Variants in SULF2 observed in about 807,000 individuals in gnomAD.
SULF2 encodes extracellular sulfatase Sulf-2.
In SULF2, 52 loss-of-function variants were observed where a neutral mutation model predicts 107.7. The observed-to-expected ratio is 0.48, with a 90% CI of 0.39 to 0.61. The LOEUF is 0.61. SULF2 is among the 20% of genes least tolerant of loss of function. The pLI is 0.00. For missense variants in SULF2, 993 were observed against 1,177.3 expected (o/e 0.84, Z 2.29); for synonymous variants, 460 against 464.3 (o/e 0.99, Z 0.12).
At chr20:47,782,853 A>T (rs935465773) in intron 1 of SULF2, among the ~76,000 whole-genome samples, 6 of 152,190 alleles carry the variant, frequency 3.9e-5, no homozygotes, top group Admixed American at 3.3e-4. Context: ...TGGAAAGTTA[A>T]GGGCCTTTTA....
chr20:47,714,206 A>G (rs1433337710), intron 3 of SULF2, among the ~76,000 whole-genome samples: 1 of 152,130 alleles, frequency 6.6e-6, no homozygotes, highest in Non-Finnish European at 1.5e-5. Context: ...TCTCAATTCC[A>G]GTTGTCCGCG....
At chr20:47,762,051 G>A (rs1413063874) in intron 1 of SULF2, among the ~76,000 whole-genome samples, 2 of 152,154 alleles carry the variant, frequency 1.3e-5, no homozygotes, top group Admixed American at 1.3e-4. Flanking sequence ...CACCATGATT[G>A]TAAGGCCTCC....
At chr20:47,721,607 T>A (rs2089299414) in intron 3 of SULF2, among the ~76,000 whole-genome samples, 1 of 152,194 alleles carries the variant, frequency 6.6e-6, no homozygotes, top group Middle Eastern at 3.2e-3. Flanking sequence ...TGACCTCAAC[T>A]GATCCACCCG....
intron 7 of SULF2, among the ~76,000 whole-genome samples, chr20:47,679,717 C>A (rs375144754): frequency 1.3e-5 from 2 of 152,162 alleles, no homozygotes; most frequent in Non-Finnish European, 2.9e-5. Flanking sequence ...CCTAAGCAGA[C>A]GACCCTGCAG....
chr20:47,733,539 A>C (rs2089662999), intron 3 of SULF2, among the ~76,000 whole-genome samples: 1 of 152,220 alleles, frequency 6.6e-6, no homozygotes, highest in Admixed American at 6.5e-5. Context: ...TTGGAAGGCC[A>C]AGGCAGGTGG....
In SULF2 at chr20:47,708,139, C is replaced by A. The variant is rs547156662; in HGVS notation, c.416-5469G>T. Among the ~76,000 whole-genome samples, 14 of 152,270 alleles carry A rather than the reference C, an allele frequency of 9.2e-5. No individual in the cohort carries two copies. The East Asian group carries it at 2.7e-3, about 29-fold the overall frequency. ...AACAAGACCACCAGGATCCCTTCTG[C>A]CCTCGTGCAGTTGATGTTCTAGTGG... is the stretch of plus-strand genomic sequence containing the variant. On this transcript the variant is annotated intron_variant, in intron 3 of 20. Coordinates refer to ENST00000688720, the MANE Select transcript of SULF2 (RefSeq NM_001387048.1).
intron 3 of SULF2, among the ~76,000 whole-genome samples, chr20:47,703,556 C>G (rs1324692371): frequency 6.6e-6 from 1 of 152,206 alleles, no homozygotes; most frequent in Non-Finnish European, 1.5e-5. Flanking sequence ...CCCTCACACA[C>G]TGAGTGGCTG....
In SULF2 at chr20:47,658,225, G is replaced by T; in HGVS notation, c.*137C>A. 1 of 836,672 alleles carries T rather than the reference G, an allele frequency of 1.2e-6. No individual in the cohort carries two copies. The highest frequency in any genetic ancestry group is 1.4e-5 in the South Asian group (1 of 70,404). The allele number at this position is 836,672 out of a possible 1,614,324, so 51.8% of individuals were successfully genotyped here. ...GTTATCCTCCAGAATCTGTCATGTT[G>T]ACTGAGAGTGCGTGCTTGCTTTCTC... On this transcript the variant is annotated 3_prime_UTR_variant, in exon 21 of 21. Coordinates refer to ENST00000688720, the MANE Select transcript of SULF2 (RefSeq NM_001387048.1).
chr20:47,759,807 G>C (rs1035631649), intron 1 of SULF2, among the ~76,000 whole-genome samples: 1 of 152,186 alleles, frequency 6.6e-6, no homozygotes, highest in Admixed American at 6.5e-5. Flanking sequence ...TAAAGCGGGG[G>C]CCCCCAACCC....
At chr20:47,665,119 G>T in intron 14 of SULF2, 80 bp downstream of exon 14, 1 of 883,808 alleles carries the variant, frequency 1.1e-6, no homozygotes, top group Non-Finnish European at 1.9e-6. Flanking sequence ...AAATGAAAGG[G>T]GTCAATCACG....
rs902612233 is a variant in SULF2, at chr20:47,702,381, G to A, written c.567+138C>T. The A allele has an allele frequency of 7.6e-6, 7 of 920,190 alleles. No homozygotes were observed. In the African/African-American group the frequency reaches 1.2e-4, roughly 15 times the overall value. 57.0% of individuals were successfully genotyped at this position (920,190 alleles called of 1,614,324 possible). On this transcript the variant is annotated intron_variant, in intron 4 of 20. Transcript: ENST00000688720. ...GGCTGAGAGATGAAAAACTGAGGAG[G>A]AGGTGTATGTAAAATGCTCAAGGTC...
rs141910742 is a variant in SULF2, at chr20:47,678,506, A to AGGGGACCATGCTTCTCTCCCAC, written c.1193+148_1193+169dup. 97,689 of 767,274 alleles carry AGGGGACCATGCTTCTCTCCCAC rather than the reference A, an allele frequency of 0.13. 8,620 individuals are homozygous for AGGGGACCATGCTTCTCTCCCAC. Among genetic ancestry groups the AGGGGACCATGCTTCTCTCCCAC allele is most frequent in the Admixed American group, 0.17 (7,358 of 42,236 alleles). The allele number at this position is 767,274 out of a possible 1,614,324, so 47.5% of individuals were successfully genotyped here. A position where few individuals can be genotyped will look rare whatever the true frequency, so the allele number is the denominator to read the frequency against. ...CAGATGGGAAGACAGAATCTCGGAG[A>AGGGGACCATGCTTCTCTCCCAC]GGGGACCATGCTTCTCTCCCACAGC... is the stretch of plus-strand genomic sequence containing the variant. On this transcript the variant is annotated intron_variant, in intron 8 of 20. Transcript: ENST00000688720. This position sits in a 1 kb window ranked among gnomAD's most constrained non-coding sequence, Gnocchi z 4.5.
chr20:47,723,227 G>C (rs1234894484), intron 3 of SULF2, among the ~76,000 whole-genome samples: 4 of 149,880 alleles, frequency 2.7e-5, no homozygotes, highest in Admixed American at 2.7e-4. Flanking sequence ...CTGGGTGGCA[G>C]AGTGACAGTC....
chr20:47,695,636 CAG>C (rs2088349162), intron 4 of SULF2, among the ~76,000 whole-genome samples: 2 of 152,316 alleles, frequency 1.3e-5, no homozygotes, highest in South Asian at 4.1e-4. Flanking sequence ...TATTTTGAGA[CAG>C]AGTCTCGCTC....
At chr20:47,734,302 A>G (rs1389421996) in intron 3 of SULF2, among the ~76,000 whole-genome samples, 1 of 152,226 alleles carries the variant, frequency 6.6e-6, no homozygotes, top group Non-Finnish European at 1.5e-5. Context: ...CCACGTGAAC[A>G]CAGGGTTTAA....
At chr20:47,718,604 T>C (rs2089195061) in intron 3 of SULF2, among the ~76,000 whole-genome samples, 2 of 152,200 alleles carry the variant, frequency 1.3e-5, no homozygotes, top group East Asian at 1.9e-4. Context: ...GCGAAGGGCT[T>C]GGGTGGTTGG....
At chr20:47,667,119 G>A (rs2087301485) in intron 11 of SULF2, among the ~76,000 whole-genome samples, 1 of 152,182 alleles carries the variant, frequency 6.6e-6, no homozygotes, top group African/African-American at 2.4e-5. Context: ...TAAAAATGGT[G>A]AGTTTGATGT....
intron 1 of SULF2, among the ~76,000 whole-genome samples, chr20:47,775,909 C>T (rs1239128309): frequency 6.6e-6 from 1 of 152,172 alleles, no homozygotes; most frequent in Admixed American, 6.5e-5. Context: ...GGGACACTTG[C>T]AATGTCCCTG....
intron 1 of SULF2, among the ~76,000 whole-genome samples, chr20:47,772,540 A>G (rs1377119279): frequency 6.6e-6 from 1 of 152,208 alleles, no homozygotes; most frequent in Non-Finnish European, 1.5e-5. Flanking sequence ...GGAGGAGTTC[A>G]CGCGATTCCC....
Sources: gnomAD v4.1 joint callset for allele counts (sites outside exome capture counted in the v4.1 genomes callset) on GRCh38, gnomAD v4.1.1 for gene constraint, Gnocchi (gnomAD v3.1) non-coding constraint, MANE v1.5 for transcripts, NCBI Gene and HGNC (gene_info 2026-07-23, HGNC 2026-07-21) for gene names.